Variants in GPHN observed in about 807,000 individuals in gnomAD.
GPHN encodes gephyrin.
GPHN carries 17 observed loss-of-function variants against 95.5 expected under a neutral mutation model. That is an observed-to-expected ratio of 0.18 (90% CI 0.12 to 0.27). GPHN has a LOEUF of 0.27. Among genes scored for constraint, GPHN ranks in the 10% least tolerant of loss-of-function variants. The pLI is 1.00. For synonymous variants in GPHN, 320 were observed against 322.5 expected, an observed-to-expected ratio of 0.99 and a Z score of 0.08; for missense variants, 660 against 978.1, an observed-to-expected ratio of 0.67 and a Z score of 4.34.
At chr14:66,563,207 G>A (rs139888946) in intron 1 of GPHN, among the ~76,000 whole-genome samples, 2,019 of 152,160 alleles carry the variant, frequency 0.013, 20 homozygotes, top group Middle Eastern at 0.02. Context: ...GTAGTTTCTT[G>A]AATGCTAGAA....
chr14:66,793,938 A>C (rs1305391274), intron 3 of GPHN, among the ~76,000 whole-genome samples: 1 of 152,190 alleles, frequency 6.6e-6, no homozygotes, highest in East Asian at 1.9e-4. Context: ...TATCATTAAT[A>C]TCATTAAATG....
intron 1 of GPHN, among the ~76,000 whole-genome samples, chr14:66,586,451 G>T (rs375273667): frequency 6.6e-6 from 1 of 152,126 alleles, no homozygotes; most frequent in East Asian, 1.9e-4. Context: ...TGGTTATTTT[G>T]CTCGTTAGTT....
At chr14:67,664,582 C>T in the GPHN span, among the ~76,000 whole-genome samples, 1 of 151,846 alleles carries the variant, frequency 6.6e-6, no homozygotes, top group African/African-American at 2.4e-5. Context: ...CTGCAACCTC[C>T]ACCTCCCAGG....
At chr14:67,585,597 T>C in the GPHN span, 1 of 1,585,750 alleles carries the variant, frequency 6.3e-7, no homozygotes, top group Non-Finnish European at 8.6e-7. Flanking sequence ...AGGAGAACGC[T>C]CTGGTGTGGA....
At chr14:66,551,599 C>G (rs550046734) in intron 1 of GPHN, among the ~76,000 whole-genome samples, 1 of 152,280 alleles carries the variant, frequency 6.6e-6, no homozygotes, top group Non-Finnish European at 1.5e-5. Flanking sequence ...TTAGTCCATT[C>G]TTGCACGGCT....
intron 16 of GPHN, among the ~76,000 whole-genome samples, chr14:67,120,249 C>A (rs1029932240): frequency 3.3e-5 from 5 of 150,930 alleles, no homozygotes; most frequent in African/African-American, 1.2e-4. Flanking sequence ...ATATTTTTTT[C>A]TTTTGAAACT....
chr14:66,591,065 A>T (rs187462021), intron 1 of GPHN, among the ~76,000 whole-genome samples: 7 of 152,344 alleles, frequency 4.6e-5, no homozygotes, highest in Admixed American at 2.6e-4. Context: ...CCACATGATT[A>T]TCTCAATAGA....
At chr14:66,923,526 A>G (rs1234247864) in intron 7 of GPHN, among the ~76,000 whole-genome samples, 1 of 152,196 alleles carries the variant, frequency 6.6e-6, no homozygotes, top group Non-Finnish European at 1.5e-5. Context: ...TCAAAGTATT[A>G]CAAATTCTCT....
intron 4 of GPHN, among the ~76,000 whole-genome samples, chr14:66,833,197 A>G (rs2061647465): frequency 6.6e-6 from 1 of 152,176 alleles, no homozygotes; most frequent in Non-Finnish European, 1.5e-5. Flanking sequence ...GGTAGGCCTT[A>G]GGAAACTTAC....
chr14:67,366,350 G>T, the GPHN span, among the ~76,000 whole-genome samples: 1 of 152,156 alleles, frequency 6.6e-6, no homozygotes, highest in Non-Finnish European at 1.5e-5. Context: ...GGGATTACAG[G>T]TGTGAGCCAC....
chr14:66,611,531 C>G (rs985104187), intron 1 of GPHN, among the ~76,000 whole-genome samples: 1 of 152,078 alleles, frequency 6.6e-6, no homozygotes, highest in Non-Finnish European at 1.5e-5. Flanking sequence ...AAAACATCAT[C>G]CAAAACTGAA....
chr14:67,713,698 G>T, the GPHN span, among the ~76,000 whole-genome samples: 2 of 152,198 alleles, frequency 1.3e-5, no homozygotes, highest in African/African-American at 4.8e-5. Context: ...GGTTGAGGGC[G>T]CGTACCCAAG....
intron 1 of GPHN, among the ~76,000 whole-genome samples, chr14:66,572,779 C>T (rs983645440): frequency 6.6e-6 from 1 of 152,064 alleles, no homozygotes; most frequent in East Asian, 1.9e-4. Flanking sequence ...CTAACAAAGA[C>T]TTCCATTAAC....
At chr14:67,234,898 G>A in the GPHN span, among the ~76,000 whole-genome samples, 1 of 149,704 alleles carries the variant, frequency 6.7e-6, no homozygotes, top group African/African-American at 2.4e-5. Flanking sequence ...GCTCATGCCT[G>A]TAATCCCAGC....
intron 17 of GPHN, among the ~76,000 whole-genome samples, chr14:67,134,640 G>A (rs1431875220): frequency 6.6e-6 from 1 of 152,184 alleles, no homozygotes; most frequent in African/African-American, 2.4e-5. Flanking sequence ...ATGAGACGCT[G>A]TCTTGTGAGA....
At chr14:67,351,702 G>A in the GPHN span, among the ~76,000 whole-genome samples, 1 of 151,502 alleles carries the variant, frequency 6.6e-6, no homozygotes, top group East Asian at 1.9e-4. Context: ...CTTCTTTTTT[G>A]TAGAGACAAG....
chr14:66,895,925 G>A (rs1396861413), intron 5 of GPHN, among the ~76,000 whole-genome samples: 1 of 152,122 alleles, frequency 6.6e-6, no homozygotes, highest in African/African-American at 2.4e-5. Context: ...CTTAGACTGG[G>A]TAATTTATAA....
At chr14:67,586,286 G>A in the GPHN span, 171 of 1,110,780 alleles carry the variant, frequency 1.5e-4, 2 homozygotes, top group South Asian at 2.0e-3. Flanking sequence ...TCAGCTAGTA[G>A]GTAAAGGGAC....
intron 3 of GPHN, among the ~76,000 whole-genome samples, chr14:66,799,734 A>G (rs1322662971): frequency 6.6e-6 from 1 of 151,926 alleles, no homozygotes; most frequent in East Asian, 1.9e-4. Flanking sequence ...TAGGCAACAG[A>G]TCAATAGGTC....
Sources: allele counts gnomAD v4.1 joint callset (sites outside exome capture counted in the v4.1 genomes callset), GRCh38; gene constraint gnomAD v4.1.1; transcripts MANE v1.5; gene names NCBI Gene and HGNC (gene_info 2026-07-23, HGNC 2026-07-21).